The following TBC1D16 variants were observed in gnomAD, a reference collection of about 807,000 sequenced individuals.
The protein encoded by TBC1D16 is TBC1 domain family member 16.
TBC1D16 carries 58 observed loss-of-function variants against 74.7 expected under a neutral mutation model. The observed-to-expected ratio is 0.78, with a 90% CI of 0.63 to 0.97. The LOEUF (loss-of-function observed/expected upper bound fraction) is 0.97. TBC1D16 is among the 50% of genes least tolerant of loss of function. The probability of loss-of-function intolerance (pLI) is 0.00; values close to 1 mark genes in which losing one functional copy is unlikely to be tolerated. For synonymous variants in TBC1D16, 493 were observed against 474.7 expected (o/e 1.04, Z -0.50); for missense variants, 1,014 against 1,079.5 (o/e 0.94, Z 0.85).
At position 79,997,900 on chromosome 17, in the gene TBC1D16, G is replaced by A. The variant is rs144560898; in HGVS notation, c.779+12260C>T. On this transcript the variant is annotated intron_variant, in intron 3 of 11. Transcript: ENST00000310924. ...AGCACTGTGGGAGGCCAAGGAGGGT[G>A]CATCACCTGAGGTCAGGAGTTCAAG... 6.3e-3 allele frequency among the ~76,000 whole-genome samples: 967 copies of A among 152,284 alleles called. 5 individuals are homozygous for A. Among genetic ancestry groups the A allele is most frequent in the African/African-American group, 0.022 (933 of 41,556 alleles).
chr17:79,944,049 G>A lies in TBC1D16; in HGVS notation c.1908+859C>T, dbSNP rs906462668. ...GGCGAGCCGATGACCGCATGCAAAG[G>A]CGGCGTGTGGTACCGGCACTCGGTG... On this transcript the variant is annotated intron_variant, in intron 10 of 11. Transcript: ENST00000310924. This position sits in a 1 kb window ranked among gnomAD's most constrained non-coding sequence, Gnocchi z 7.7. 3.9e-6 allele frequency: 6 copies of A among 1,535,854 alleles called. No individual in the cohort carries two copies. In the African/African-American group the frequency reaches 5.5e-5, roughly 14 times the overall value.
At chr17:79,977,884 A>G (rs1190360083) in intron 3 of TBC1D16, among the ~76,000 whole-genome samples, 1 of 152,208 alleles carries the variant, frequency 6.6e-6, no homozygotes, top group African/African-American at 2.4e-5. Flanking sequence ...GCCAGTTCGA[A>G]GAGGCAGAGC....
chr17:79,946,729 G>A (rs1024085146), intron 9 of TBC1D16, among the ~76,000 whole-genome samples: 1 of 152,204 alleles, frequency 6.6e-6, no homozygotes, highest in Non-Finnish European at 1.5e-5. Flanking sequence ...CTTGTGACGG[G>A]TCTGGTCCAG....
At position 79,956,541 on chromosome 17, in the gene TBC1D16, A is replaced by T. The variant is rs1461133200; in HGVS notation, c.780-3723T>A. Reference sequence around the variant, plus strand: ...AGTGCTGGGACTACAGGCGTGAGCCACCACGCTGGGCCCGGTGGTCGCTTT... The same window carrying T: ...AGTGCTGGGACTACAGGCGTGAGCCTCCACGCTGGGCCCGGTGGTCGCTTT... On this transcript the variant is annotated intron_variant, in intron 3 of 11. Coordinates refer to ENST00000310924, the MANE Select transcript of TBC1D16 (RefSeq NM_019020.4). This position sits in a 1 kb window ranked among gnomAD's most constrained non-coding sequence, Gnocchi z 4.0. Among the ~76,000 whole-genome samples the T allele has an allele frequency of 1.3e-5, 2 of 152,088 alleles. No individual in the cohort carries two copies. Among genetic ancestry groups the T allele is most frequent in the African/African-American group, 4.8e-5 (2 of 41,392 alleles).
chr17:79,977,484 T>C, intron 3 of TBC1D16, among the ~76,000 whole-genome samples: 1 of 152,204 alleles, frequency 6.6e-6, no homozygotes, highest in East Asian at 1.9e-4. Flanking sequence ...AAGGGTGATG[T>C]CTCAGCCATC....
intron 1 of TBC1D16, among the ~76,000 whole-genome samples, chr17:80,028,207 C>T (rs1006522496): frequency 6.6e-6 from 1 of 151,998 alleles, no homozygotes; most frequent in Non-Finnish European, 1.5e-5. Flanking sequence ...CTACAATTTG[C>T]ATCAGCTTGA....
chr17:80,032,144 T>C (rs755427327), intron 1 of TBC1D16, among the ~76,000 whole-genome samples: 111 of 152,340 alleles, frequency 7.3e-4, no homozygotes, highest in Non-Finnish European at 1.4e-3. Flanking sequence ...ACGACTGAAG[T>C]GTGCAAGCCA....
At chr17:80,004,628 G>C (rs1308464925) in intron 3 of TBC1D16, among the ~76,000 whole-genome samples, 5 of 152,196 alleles carry the variant, frequency 3.3e-5, no homozygotes, top group Non-Finnish European at 1.5e-5. Flanking sequence ...TTTCCCCACT[G>C]TAAGGAATAC....
At chr17:79,953,603 T>C (rs188057064) in intron 3 of TBC1D16, among the ~76,000 whole-genome samples, 1 of 152,358 alleles carries the variant, frequency 6.6e-6, no homozygotes, top group Admixed American at 6.5e-5. Context: ...GCCCATGTTC[T>C]CACCAGCATA....
At chr17:80,002,297 G>A (rs572609526) in intron 3 of TBC1D16, among the ~76,000 whole-genome samples, 2 of 152,346 alleles carry the variant, frequency 1.3e-5, no homozygotes, top group South Asian at 2.1e-4. Context: ...CGATAACGCC[G>A]TTAATAATTC....
intron 1 of TBC1D16, among the ~76,000 whole-genome samples, chr17:80,021,068 C>T (rs1229157661): frequency 6.7e-6 from 1 of 149,964 alleles, no homozygotes; most frequent in Non-Finnish European, 1.5e-5. Flanking sequence ...GCCTGACCAA[C>T]ATGGAGAAAC....
Position 79,986,782 on chromosome 17 carries a change from C to T in TBC1D16, c.779+23378G>A, listed in dbSNP as rs1369558093. Among the ~76,000 whole-genome samples, 2 of 152,154 alleles carry T rather than the reference C, an allele frequency of 1.3e-5. No homozygotes were observed. The highest frequency in any genetic ancestry group is 2.9e-5 in the Non-Finnish European group (2 of 68,030). ...CCCGGCCCTCCTCAGAGCCTCAGCC[C>T]GCAGCGGGAGATGACACCTCCGATC... is the stretch of plus-strand genomic sequence containing the variant. On this transcript the variant is annotated intron_variant, in intron 3 of 11. Coordinates refer to ENST00000310924, the MANE Select transcript of TBC1D16 (RefSeq NM_019020.4). This position sits in a 1 kb window ranked among gnomAD's most constrained non-coding sequence, Gnocchi z 6.0.
Position 79,975,127 on chromosome 17 carries a change from C to T in TBC1D16, c.780-22309G>A, listed in dbSNP as rs1362840704. On this transcript the variant is annotated intron_variant, in intron 3 of 11. Transcript: ENST00000310924. This position sits in a 1 kb window ranked among gnomAD's most constrained non-coding sequence, Gnocchi z 4.5. The stretch of plus-strand genomic sequence containing the variant: ...GGCCACAAACACCCGGAACAATCCG[C>T]CAGGCCGCGTCACTCCTCACCCTCC... Among the ~76,000 whole-genome samples, 3 of 152,248 alleles carry T rather than the reference C, an allele frequency of 2.0e-5. No homozygotes were observed. The highest frequency in any genetic ancestry group is 4.4e-5 in the Non-Finnish European group (3 of 68,036).
At chr17:79,991,664 C>T (rs2035063035) in intron 3 of TBC1D16, among the ~76,000 whole-genome samples, 1 of 138,160 alleles carries the variant, frequency 7.2e-6, no homozygotes, top group Non-Finnish European at 1.5e-5. Flanking sequence ...TGGGGAGGCG[C>T]GCAGGCAGTG....
chr17:79,966,788 T>A (rs1009070617), intron 3 of TBC1D16, among the ~76,000 whole-genome samples: 2 of 152,146 alleles, frequency 1.3e-5, no homozygotes, highest in South Asian at 4.1e-4. Flanking sequence ...TCCATTTGAA[T>A]AGACCCAAAA....
chr17:80,024,773 C>T (rs1361733654), intron 1 of TBC1D16, among the ~76,000 whole-genome samples: 10 of 148,882 alleles, frequency 6.7e-5, no homozygotes, highest in African/African-American at 2.1e-4. Context: ...ACACCATAGA[C>T]ACACATACCT....
chr17:79,971,326 A>G lies in TBC1D16; in HGVS notation c.780-18508T>C, dbSNP rs2144100894. On this transcript the variant is annotated intron_variant, in intron 3 of 11. Coordinates refer to ENST00000310924, the MANE Select transcript of TBC1D16 (RefSeq NM_019020.4). This position sits in a 1 kb window ranked among gnomAD's most constrained non-coding sequence, Gnocchi z 4.6. The stretch of plus-strand genomic sequence containing the variant: ...GTGTGAGGCACCGCACCCGGCCCAC[A>G]CTCCCAGTATTTTTTAAGTTGCTTA... Among the ~76,000 whole-genome samples, 1 of 152,126 alleles carries G rather than the reference A, an allele frequency of 6.6e-6. No homozygotes were observed. Among genetic ancestry groups the G allele is most frequent in the South Asian group, 2.1e-4 (1 of 4,814 alleles).
In TBC1D16 at chr17:79,954,550, G is replaced by A. The variant is rs756156771; in HGVS notation, c.780-1732C>T. Among the ~76,000 whole-genome samples, 2 of 152,060 alleles carry A rather than the reference G, an allele frequency of 1.3e-5. No homozygotes were observed. The highest frequency in any genetic ancestry group is 2.9e-5 in the Non-Finnish European group (2 of 68,002). ...CCATCACCTGAACTGCCGTGGCTGCGCCGCGGACGGGCCCAGAAGACCGAG... is the reference window on the plus strand; with the variant it reads ...CCATCACCTGAACTGCCGTGGCTGCACCGCGGACGGGCCCAGAAGACCGAG... On this transcript the variant is annotated intron_variant, in intron 3 of 11. Transcript: ENST00000310924. This position sits in a 1 kb window ranked among gnomAD's most constrained non-coding sequence, Gnocchi z 5.5.
Position 79,950,415 on chromosome 17 carries a change from C to A in TBC1D16, c.1253G>T (p.Arg418Leu). 6.2e-7 allele frequency: 1 copy of A among 1,607,860 alleles called. No individual in the cohort carries two copies. Among genetic ancestry groups the A allele is most frequent in the Non-Finnish European group, 8.5e-7 (1 of 1,177,768 alleles). The change falls in exon 6 of 12, where the codon CGG becomes CTG. Residue 418 changes from arginine to leucine, a missense_variant. Coordinates refer to ENST00000310924, the MANE Select transcript of TBC1D16 (RefSeq NM_019020.4). This position sits in a 1 kb window ranked among gnomAD's most constrained non-coding sequence, Gnocchi z 4.6. The stretch of plus-strand genomic sequence containing the variant: ...CTGGGCGGACCCGGACCTCACCTTC[C>A]GCAGCTTGTACTCCTCCTCCACCTG... ...LGQVEEEYKLRKAIFFGGIDV... is the reference protein window; with the variant it reads ...LGQVEEEYKLLKAIFFGGIDV...
Sources: allele counts gnomAD v4.1 joint callset (sites outside exome capture counted in the v4.1 genomes callset), GRCh38; gene constraint gnomAD v4.1.1; non-coding constraint Gnocchi (gnomAD v3.1); transcripts MANE v1.5; gene names NCBI Gene and HGNC (gene_info 2026-07-23, HGNC 2026-07-21).